CNTNAP3: variants seen among roughly 807,000 people sequenced by gnomAD.
CNTNAP3 encodes contactin associated protein family member 3.
A neutral mutation model predicts 92.1 loss-of-function variants in CNTNAP3; 36 were observed. The observed-to-expected ratio is 0.39, with a 90% CI of 0.30 to 0.52. The LOEUF (loss-of-function observed/expected upper bound fraction) is 0.52. Among genes scored for constraint, CNTNAP3 ranks in the 20% least tolerant of loss-of-function variants. The probability of loss-of-function intolerance (pLI) is 0.76; values close to 1 mark genes in which losing one functional copy is unlikely to be tolerated. For synonymous variants in CNTNAP3, 232 were observed against 422.3 expected (o/e 0.55, Z 5.53); for missense variants, 534 against 1,069.6 (o/e 0.50, Z 6.98).
At chr9:39,144,860 C>T (rs3864762) in intron 10 of CNTNAP3, among the ~76,000 whole-genome samples, 30,511 of 146,398 alleles carry the variant, frequency 0.21, 2,055 homozygotes, top group East Asian at 0.3. Flanking sequence ...AATAAGCAGT[C>T]GGTTATTGCT....
In CNTNAP3 at chr9:39,127,125, C is replaced by T. The variant is rs185916350; in HGVS notation, c.2080+5807G>A. Among the ~76,000 whole-genome samples the T allele has an allele frequency of 4.8e-3, 725 of 152,040 alleles. 5 individuals are homozygous for T. Among genetic ancestry groups the T allele is most frequent in the African/African-American group, 0.017 (686 of 41,476 alleles). ...GAAAGAGAAAAAGAAAATCTCTAAA[C>T]ACTTAGAAATTTTTAAAAATACACT... On this transcript the variant is annotated intron_variant, in intron 13 of 23. Transcript: ENST00000297668.
intron 18 of CNTNAP3, among the ~76,000 whole-genome samples, chr9:39,098,213 A>C (rs1628271): frequency 0.12 from 14,103 of 120,236 alleles, 1,160 homozygotes; most frequent in East Asian, 0.24. Context: ...GGGCTTTCAG[A>C]TTCTCTTAAA....
At chr9:39,090,163 A>T (rs1338058948) in intron 18 of CNTNAP3, among the ~76,000 whole-genome samples, 4 of 152,132 alleles carry the variant, frequency 2.6e-5, no homozygotes, top group South Asian at 2.1e-4. Context: ...ATGGTCTCGA[A>T]CTCCTGACCT....
intron 12 of CNTNAP3, among the ~76,000 whole-genome samples, chr9:39,135,208 T>C (rs182120133): frequency 5.3e-5 from 8 of 152,314 alleles, no homozygotes; most frequent in South Asian, 4.1e-4. Context: ...TTTATTTCAA[T>C]TGATTATAAG....
chr9:39,132,636 C>G (rs1821320273), intron 13 of CNTNAP3, among the ~76,000 whole-genome samples: 1 of 152,096 alleles, frequency 6.6e-6, no homozygotes, highest in Admixed American at 6.5e-5. Flanking sequence ...GCCATTATCT[C>G]CTCAGTGTGA....
intron 12 of CNTNAP3, among the ~76,000 whole-genome samples, chr9:39,133,599 TAA>T (rs1821358582): frequency 6.6e-6 from 1 of 152,042 alleles, no homozygotes; most frequent in African/African-American, 2.4e-5. Context: ...GCAGCTCTAT[TAA>T]AATAAAGTGG....
chr9:39,153,881 C>A (rs1278594758), intron 9 of CNTNAP3, among the ~76,000 whole-genome samples: 1 of 147,168 alleles, frequency 6.8e-6, no homozygotes. Context: ...TAAAATAAAT[C>A]TAGTGAGATC....
intron 11 of CNTNAP3, among the ~76,000 whole-genome samples, chr9:39,142,585 T>G (rs1206591948): frequency 6.7e-6 from 1 of 149,896 alleles, no homozygotes; most frequent in Non-Finnish European, 1.5e-5. Flanking sequence ...GGCAGGAGAA[T>G]GGCGTGAACC....
intron 3 of CNTNAP3, among the ~76,000 whole-genome samples, chr9:39,225,888 T>C (rs866880048): frequency 0.04 from 233 of 5,820 alleles, 22 homozygotes; most frequent in African/African-American, 0.049. Context: ...AGCATGATCA[T>C]AGCTCACTGC....
At position 39,093,231 on chromosome 9, in the gene CNTNAP3, T is replaced by C. The variant is rs557080484; in HGVS notation, c.2996-4584A>G. Among the ~76,000 whole-genome samples the C allele has an allele frequency of 2.9e-3, 384 of 134,240 alleles. 10 individuals carry two copies. The highest frequency in any genetic ancestry group is 4.9e-3 in the Non-Finnish European group (303 of 61,910). The allele number at this position is 134,240 out of a possible 152,430, so 88.1% of individuals were successfully genotyped here. ...ATATTATTATTGATACAGTTAGATT[T>C]ACATCTGCCATTTTCTTTTTCTTTT... On this transcript the variant is annotated intron_variant, in intron 18 of 23. Transcript: ENST00000297668.
At chr9:39,103,560 T>A in intron 16 of CNTNAP3, 184 bp downstream of exon 16, 2 of 647,910 alleles carry the variant, frequency 3.1e-6, no homozygotes, top group Admixed American at 3.4e-5. Context: ...CCAGCATGAG[T>A]GACACAGCAA....
In CNTNAP3 at chr9:39,132,988, C is replaced by G; in HGVS notation, c.2024G>C (p.Arg675Pro). ...QLRSAVNLAE[R>P]CEQRLALRCG... The stretch of plus-strand genomic sequence containing the variant: ...GCGCAGAGCCAGCCGCTGCTCGCAG[C>G]GCTCCGCCAGGTTCACCGCGGACCG... Residue 675 changes from arginine to proline, a missense_variant, in exon 13 of 24, where the codon CGC becomes CCC. Coordinates refer to ENST00000297668, the MANE Select transcript of CNTNAP3 (RefSeq NM_033655.5). The G allele has an allele frequency of 1.3e-6, 2 of 1,540,444 alleles. No individual in the cohort carries two copies. Among genetic ancestry groups the G allele is most frequent in the Non-Finnish European group, 1.7e-6 (2 of 1,151,984 alleles).
intron 1 of CNTNAP3, among the ~76,000 whole-genome samples, chr9:39,287,063 C>G (rs1400344091): frequency 1.9e-5 from 1 of 53,004 alleles, no homozygotes; most frequent in Non-Finnish European, 5.5e-5. Flanking sequence ...ATTCTAATCT[C>G]ATGGTTTGAT....
intron 4 of CNTNAP3, among the ~76,000 whole-genome samples, chr9:39,179,286 T>TCTCTACACACACAC (rs1491209886): frequency 1.2e-5 from 1 of 80,724 alleles, no homozygotes; most frequent in Non-Finnish European, 2.3e-5. Context: ...TCTCTCTCTC[T>TCTCTACACACACAC]ACACACACAC....
chr9:39,105,941 T>C (rs1227935501), intron 15 of CNTNAP3, among the ~76,000 whole-genome samples: 1 of 151,638 alleles, frequency 6.6e-6, no homozygotes, highest in Non-Finnish European at 1.5e-5. Context: ...CATGAGTTCA[T>C]GTGGATACCT....
chr9:39,131,786 C>T (rs966010247), intron 13 of CNTNAP3, among the ~76,000 whole-genome samples: 1 of 151,662 alleles, frequency 6.6e-6, no homozygotes, highest in Non-Finnish European at 1.5e-5. Context: ...AAAGATCGTG[C>T]CACTGCACTC....
intron 18 of CNTNAP3, among the ~76,000 whole-genome samples, chr9:39,091,797 T>C (rs1826210069): frequency 6.6e-6 from 1 of 151,882 alleles, no homozygotes; most frequent in Admixed American, 6.6e-5. Flanking sequence ...ATAGTTGATA[T>C]ATTTTTAAAT....
chr9:39,118,071 AT>A (rs748672211), intron 14 of CNTNAP3, 31 bp downstream of exon 14: 1 of 1,579,318 alleles, frequency 6.3e-7, no homozygotes, highest in Non-Finnish European at 8.6e-7. Flanking sequence ...TAAAAACCAC[AT>A]TTTTGTGCAG....
chr9:39,161,621 G>T (rs1822072929), intron 9 of CNTNAP3, among the ~76,000 whole-genome samples: 1 of 121,448 alleles, frequency 8.2e-6, no homozygotes, highest in East Asian at 2.4e-4. Flanking sequence ...TTTGAGACAA[G>T]CCTGGGCAAC....
Sources: allele counts gnomAD v4.1 joint callset (sites outside exome capture counted in the v4.1 genomes callset), GRCh38; gene constraint gnomAD v4.1.1; transcripts MANE v1.5; gene names NCBI Gene and HGNC (gene_info 2026-07-23, HGNC 2026-07-21).